Variants in SMTNL2 observed in about 807,000 individuals in gnomAD.
The protein encoded by SMTNL2 is smoothelin-like protein 2.
In SMTNL2, 43 loss-of-function variants were observed where a neutral mutation model predicts 44.1. The ratio of observed to expected loss-of-function variants is 0.98; its 90% CI spans 0.76 to 1.26. The LOEUF is 1.26. SMTNL2 is among the 50% of genes most tolerant of loss of function. The probability of loss-of-function intolerance (pLI) is 0.00; values close to 1 mark genes in which losing one functional copy is unlikely to be tolerated. For missense variants in SMTNL2, 646 were observed against 670.2 expected (o/e 0.96, Z 0.40); for synonymous variants, 317 against 287.6 (o/e 1.10, Z -1.03).
chr17:4,590,668 C>G (rs1337165605), intron 1 of SMTNL2, among the ~76,000 whole-genome samples: 2 of 152,146 alleles, frequency 1.3e-5, no homozygotes, highest in Non-Finnish European at 2.9e-5. Context: ...CATGTCCACC[C>G]AGTCTCCCAG....
At chr17:4,591,316 C>T (rs1909561773) in intron 1 of SMTNL2, among the ~76,000 whole-genome samples, 1 of 152,238 alleles carries the variant, frequency 6.6e-6, no homozygotes, top group African/African-American at 2.4e-5. Context: ...GCACAGCCGA[C>T]CTCTCAAGCC....
At position 4,597,333 on chromosome 17, in the gene SMTNL2, GTGGCTCCT is replaced by G; in HGVS notation, c.1259+11_1259+18del. The G allele has an allele frequency of 6.2e-7, 1 of 1,613,166 alleles. No homozygotes were observed. The highest frequency in any genetic ancestry group is 2.2e-5 in the East Asian group (1 of 44,864). ...CTTTCACCATGGCCGAGTGAGTATG[GTGGCTCCT>G]GCTGGCTACCAGCCCCAGCCCAGTC... On this transcript the variant is annotated intron_variant, in intron 7 of 7. Transcript: ENST00000389313.
chr17:4,595,356 G>C lies in SMTNL2; in HGVS notation c.989+29G>C. The C allele has an allele frequency of 6.2e-7, 1 of 1,604,316 alleles. No homozygotes were observed. On this transcript the variant is annotated intron_variant, in intron 5 of 7. Transcript: ENST00000389313. The surrounding 1 kb of genome is among the most constrained non-coding windows in gnomAD (Gnocchi z 5.1). ...CGGATGCCCACTCACAGACAGGCCC[G>C]GCCCCACGGTGTGCCCAGACCCAGA...
At chr17:4,594,043 G>T in intron 4 of SMTNL2, 146 bp downstream of exon 4, 2 of 757,810 alleles carry the variant, frequency 2.6e-6, no homozygotes, top group Middle Eastern at 3.7e-4. Context: ...GCGGCAGGAT[G>T]GGGGGAAGGT....
rs2150516784 is a variant in SMTNL2 at position 4,584,756 on chromosome 17, C to G, written c.151C>G (p.Arg51Gly). The change falls in exon 1 of 8, where the codon CGC (arginine) becomes GGC (glycine). Residue 51 changes from arginine (R) to glycine (G), a missense_variant. Arg to Gly is a moderately radical substitution (Grantham distance 125). Transcript: ENST00000389313. ...GGAGCGGCGAGTGGCAGAGGCGATGCGCCTGGCCGGCCCCCTGGCGCGCAC... is the reference window on the plus strand; with the variant it reads ...GGAGCGGCGAGTGGCAGAGGCGATGGGCCTGGCCGGCCCCCTGGCGCGCAC... The part of the protein sequence containing the change: ...GVERRVAEAM[R>G]LAGPLARTVA... 2 of 1,307,906 alleles carry G rather than the reference C, an allele frequency of 1.5e-6. No homozygotes were observed. The highest frequency in any genetic ancestry group is 3.2e-5 in the East Asian group (1 of 31,016). The allele number at this position is 1,307,906 out of a possible 1,614,324, so 81.0% of individuals were successfully genotyped here.
At chr17:4,605,578 C>T (rs1910236064) in intron 7 of SMTNL2, among the ~76,000 whole-genome samples, 1 of 152,088 alleles carries the variant, frequency 6.6e-6, no homozygotes. Flanking sequence ...GATGGAGAAA[C>T]TGAAGCCCGG....
At chr17:4,605,155 T>TG (rs1910218227) in intron 7 of SMTNL2, among the ~76,000 whole-genome samples, 3 of 119,258 alleles carry the variant, frequency 2.5e-5, no homozygotes, top group African/African-American at 3.9e-5. Flanking sequence ...TTTGTTTGGT[T>TG]TTTTTTTTTT....
At chr17:4,597,620 C>T (rs564453822) in intron 7 of SMTNL2, among the ~76,000 whole-genome samples, 1 of 152,134 alleles carries the variant, frequency 6.6e-6, no homozygotes, top group Admixed American at 6.5e-5. Context: ...AGCCACAGAC[C>T]AGGCATGAAG....
Position 4,584,643 on chromosome 17 carries a change from T to C in SMTNL2, c.38T>C (p.Val13Ala). ...PAPDAQEART[V>A]REALGRYEAA... ...CCCGACGCCCAGGAGGCGCGCACTG[T>C]GCGCGAGGCGCTGGGCCGCTACGAG... is the stretch of plus-strand genomic sequence containing the variant. The change falls in exon 1 of 8, where the codon GTG (valine) becomes GCG (alanine). Residue 13 changes from valine (V) to alanine (A), a missense_variant. Val to Ala is a moderately conservative substitution (Grantham distance 64). Coordinates refer to ENST00000389313, the MANE Select transcript of SMTNL2 (RefSeq NM_001114974.2). The C allele has an allele frequency of 1.6e-6, 2 of 1,265,450 alleles. No individual in the cohort carries two copies. Among genetic ancestry groups the C allele is most frequent in the Non-Finnish European group, 2.0e-6 (2 of 1,007,728 alleles). The allele number at this position is 1,265,450 out of a possible 1,614,324, so 78.4% of individuals were successfully genotyped here.
intron 1 of SMTNL2, among the ~76,000 whole-genome samples, chr17:4,591,604 G>C (rs75848885): frequency 2.6e-5 from 4 of 152,252 alleles, no homozygotes; most frequent in Non-Finnish European, 1.5e-5. Context: ...CCGGAAAAAG[G>C]GCTGGATGTT....
At position 4,584,885 on chromosome 17, in the gene SMTNL2, C is replaced by A; in HGVS notation, c.280C>A (p.Pro94Thr). 1 of 1,297,172 alleles carries A rather than the reference C, an allele frequency of 7.7e-7. No homozygotes were observed. The highest frequency in any genetic ancestry group is 9.7e-7 in the Non-Finnish European group (1 of 1,026,512). 80.4% of individuals were successfully genotyped at this position (1,297,172 alleles called of 1,614,324 possible). A position where few individuals can be genotyped will look rare whatever the true frequency, so the allele number is the denominator to read the frequency against. ...LGLASGMSPV[P>T]GTPGTPSPPP... ...CTTGGCCAGCGGGATGTCCCCGGTG[C>A]CCGGCACTCCCGGCACGCCCAGCCC... is the stretch of plus-strand genomic sequence containing the variant. The change falls in exon 1 of 8, where the codon CCC (proline) becomes ACC (threonine). Residue 94 changes from proline to threonine, a missense_variant. By Grantham distance (38) the Pro-to-Thr change is conservative. Coordinates refer to ENST00000389313, the MANE Select transcript of SMTNL2 (RefSeq NM_001114974.2).
rs1909686790 is a variant in SMTNL2, at chr17:4,593,829, T to C, written c.738T>C (p.Asn246=). ...TPWTPSPSEK[N]SSFTWSVPSS... ...TCCCTCTCTCTTCCACAGAGAAGAA[T>C]TCCTCTTTCACGTGGTCTGTGCCAA... Residue 246 remains asparagine, a synonymous_variant, in exon 4 of 8, where the codon AAT becomes AAC. Coordinates refer to ENST00000389313, the MANE Select transcript of SMTNL2 (RefSeq NM_001114974.2). 5 of 1,613,770 alleles carry C rather than the reference T, an allele frequency of 3.1e-6. No homozygotes were observed. The highest frequency in any genetic ancestry group is 1.3e-5 in the African/African-American group (1 of 74,934).
intron 7 of SMTNL2, among the ~76,000 whole-genome samples, chr17:4,606,125 CT>C (rs564171666): frequency 0.032 from 4,714 of 146,876 alleles, 212 homozygotes; most frequent in African/African-American, 0.11. Flanking sequence ...TAAGCAATCT[CT>C]TTTTTTTTTT....
In SMTNL2 at chr17:4,592,207, G is replaced by A; in HGVS notation, c.400-154G>A. 2.8e-6 allele frequency: 2 copies of A among 722,048 alleles called. No individual in the cohort carries two copies. Among genetic ancestry groups the A allele is most frequent in the South Asian group, 1.7e-5 (1 of 60,282 alleles). 44.7% of individuals were successfully genotyped at this position (722,048 alleles called of 1,614,324 possible). ...GTGGGGCCATCCCAGCTTTTGCTGTGTGACTTGGCCCGTCACTTTCTTCCT... is the reference window on the plus strand; with the variant it reads ...GTGGGGCCATCCCAGCTTTTGCTGTATGACTTGGCCCGTCACTTTCTTCCT... On this transcript the variant is annotated intron_variant, in intron 1 of 7. Transcript: ENST00000389313. The surrounding 1 kb of genome is among the most constrained non-coding windows in gnomAD (Gnocchi z 4.5).
chr17:4,588,029 A>T lies in SMTNL2; in HGVS notation c.399+3025A>T, dbSNP rs116629202. On this transcript the variant is annotated intron_variant, in intron 1 of 7. Transcript: ENST00000389313. ...GGAGCCCCATGTCAGAGGCCCGACC[A>T]TGAAAGAAGCCAGACTCGCCTTATC... Among the ~76,000 whole-genome samples the T allele has an allele frequency of 4.2e-3, 633 of 152,350 alleles. 5 individuals are homozygous for T. Among genetic ancestry groups the T allele is most frequent in the African/African-American group, 0.015 (603 of 41,578 alleles).
Position 4,584,901 on chromosome 17 carries a change from C to A in SMTNL2, c.296C>A (p.Thr99Lys). The A allele has an allele frequency of 3.1e-6, 4 of 1,291,472 alleles. No individual in the cohort carries two copies. Among genetic ancestry groups the A allele is most frequent in the South Asian group, 4.7e-5 (2 of 42,790 alleles). 80.0% of individuals were successfully genotyped at this position (1,291,472 alleles called of 1,614,324 possible). A position where few individuals can be genotyped will look rare whatever the true frequency, so the allele number is the denominator to read the frequency against. The change falls in exon 1 of 8, where the codon ACG (threonine) becomes AAG (lysine). Residue 99 changes from threonine (T) to lysine (K), a missense_variant. Transcript: ENST00000389313. ...GMSPVPGTPGTPSPPPAPGVP... is the reference protein window; with the variant it reads ...GMSPVPGTPGKPSPPPAPGVP... ...TCCCCGGTGCCCGGCACTCCCGGCA[C>A]GCCCAGCCCCCCGCCCGCGCCCGGG...
chr17:4,592,151 C>T lies in SMTNL2; in HGVS notation c.400-210C>T, dbSNP rs1236518561. ...GGAGGAGCCCAGTGGAGGTGTTTGC[C>T]TCCCAGGATCGCAGGGGCTCAGCAG... is the stretch of plus-strand genomic sequence containing the variant. On this transcript the variant is annotated intron_variant, in intron 1 of 7. Transcript: ENST00000389313. This position sits in a 1 kb window ranked among gnomAD's most constrained non-coding sequence, Gnocchi z 4.5. Among the ~76,000 whole-genome samples the T allele has an allele frequency of 1.3e-5, 2 of 152,252 alleles. No homozygotes were observed. Among genetic ancestry groups the T allele is most frequent in the Non-Finnish European group, 2.9e-5 (2 of 68,050 alleles).
At chr17:4,584,341 C>T (rs1317118329), upstream of SMTNL2, among the ~76,000 whole-genome samples, 1 of 152,204 alleles carries the variant, frequency 6.6e-6, no homozygotes, top group Non-Finnish European at 1.5e-5. Flanking sequence ...GCACGCCGCT[C>T]CTCCGGGGTC....
chr17:4,600,005 C>A lies in SMTNL2; in HGVS notation c.1259+2682C>A, dbSNP rs1030603304. On this transcript the variant is annotated intron_variant, in intron 7 of 7. Coordinates refer to ENST00000389313, the MANE Select transcript of SMTNL2 (RefSeq NM_001114974.2). This position sits in a 1 kb window ranked among gnomAD's most constrained non-coding sequence, Gnocchi z 4.7. ...ATGAGTTCTTGCTTTTCTGCTGACT[C>A]GAGGGCGTGGGGAGGGGCGTCCACC... Among the ~76,000 whole-genome samples the A allele has an allele frequency of 1.8e-4, 28 of 152,086 alleles. No individual in the cohort carries two copies. The highest frequency in any genetic ancestry group is 6.8e-4 in the African/African-American group (28 of 41,394).
Sources: gnomAD v4.1 joint callset for allele counts (sites outside exome capture counted in the v4.1 genomes callset) on GRCh38, gnomAD v4.1.1 for gene constraint, Gnocchi (gnomAD v3.1) non-coding constraint, MANE v1.5 for transcripts, NCBI Gene and HGNC (gene_info 2026-07-23, HGNC 2026-07-21) for gene names.